Variants in CHD6 observed in about 807,000 individuals in gnomAD.
The protein encoded by CHD6 is ATP-dependent chromatin remodeler CHD6.
Under a neutral mutation model 276.9 loss-of-function variants are expected in CHD6, and 50 were observed. That is an observed-to-expected ratio of 0.18 (90% confidence interval 0.14 to 0.23). CHD6 has a LOEUF of 0.23. Among genes scored for constraint, CHD6 ranks in the 10% least tolerant of loss-of-function variants. The probability of loss-of-function intolerance (pLI) is 1.00; values close to 1 mark genes in which losing one functional copy is unlikely to be tolerated. For missense variants in CHD6, 2,564 were observed against 3,365.8 expected, an observed-to-expected ratio of 0.76 and a Z score of 5.89; for synonymous variants, 1,173 against 1,229.3, an observed-to-expected ratio of 0.95 and a Z score of 0.96.
At chr20:41,411,124 G>C (rs1374351672) in intron 36 of CHD6, among the ~76,000 whole-genome samples, 1 of 152,000 alleles carries the variant, frequency 6.6e-6, no homozygotes, top group Non-Finnish European at 1.5e-5. Flanking sequence ...AACTGTCTAG[G>C]GCCCAAGTCT....
intron 3 of CHD6, among the ~76,000 whole-genome samples, chr20:41,530,027 A>C (rs2044642690): frequency 6.6e-6 from 1 of 152,178 alleles, no homozygotes; most frequent in Non-Finnish European, 1.5e-5. Context: ...AAATAGCAAG[A>C]CTGGAAGAAG....
intron 24 of CHD6, 148 bp downstream of exon 24, chr20:41,447,734 G>T: frequency 2.0e-6 from 1 of 496,234 alleles, no homozygotes; most frequent in Non-Finnish European, 3.6e-6. Flanking sequence ...TATTCTACTT[G>T]CCTGTTCTCC....
intron 27 of CHD6, among the ~76,000 whole-genome samples, chr20:41,433,942 C>T (rs1488590209): frequency 6.6e-6 from 1 of 151,848 alleles, no homozygotes; most frequent in African/African-American, 2.4e-5. Context: ...TAAAAAGCTA[C>T]AAAAATAAAG....
At chr20:41,604,880 CG>C (rs1264679475) in intron 1 of CHD6, among the ~76,000 whole-genome samples, 1 of 152,024 alleles carries the variant, frequency 6.6e-6, no homozygotes, top group East Asian at 1.9e-4. Flanking sequence ...CACATGACTA[CG>C]TAATACAATG....
intron 16 of CHD6, among the ~76,000 whole-genome samples, chr20:41,477,582 T>C (rs192107743): frequency 1.3e-5 from 2 of 152,280 alleles, no homozygotes; most frequent in African/African-American, 4.8e-5. Flanking sequence ...TTCTTTGATC[T>C]CTCCAAACCT....
chr20:41,479,645 A>AATTCT (rs1301769367), intron 16 of CHD6, among the ~76,000 whole-genome samples: 2 of 152,232 alleles, frequency 1.3e-5, no homozygotes, highest in Non-Finnish European at 2.9e-5. Flanking sequence ...CTATCCTGAT[A>AATTCT]AGCCTTAGAA....
At chr20:41,618,071 A>AAAGCGG (rs1265034244) in intron 1 of CHD6, among the ~76,000 whole-genome samples, 1 of 148,586 alleles carries the variant, frequency 6.7e-6, no homozygotes, top group Non-Finnish European at 1.5e-5. Context: ...GGCCCGAGCG[A>AAAGCGG]AAGCGGGAGC....
chr20:41,594,820 T>C (rs2045701203), intron 1 of CHD6, among the ~76,000 whole-genome samples: 1 of 152,232 alleles, frequency 6.6e-6, no homozygotes, highest in South Asian at 2.1e-4. Flanking sequence ...GCTTAGACTG[T>C]GTGGTCCAAC....
intron 13 of CHD6, 33 bp downstream of exon 13, chr20:41,488,395 C>A (rs762586743): frequency 6.4e-7 from 1 of 1,569,430 alleles, no homozygotes; most frequent in South Asian, 1.2e-5. Flanking sequence ...ACAAAAGGAA[C>A]CTGTGTTTAT....
At chr20:41,458,265 T>C (rs754375520) in intron 17 of CHD6, among the ~76,000 whole-genome samples, 2 of 152,252 alleles carry the variant, frequency 1.3e-5, no homozygotes, top group Admixed American at 6.5e-5. Context: ...AGCTAAATAT[T>C]TGATTCTCTT....
At chr20:41,459,099 A>C (rs1454059560) in intron 17 of CHD6, among the ~76,000 whole-genome samples, 3 of 152,128 alleles carry the variant, frequency 2.0e-5, no homozygotes, top group Non-Finnish European at 4.4e-5. Context: ...GAAAGGGGTA[A>C]GTCTAAGCAG....
chr20:41,583,422 G>A (rs1338259502), intron 1 of CHD6, among the ~76,000 whole-genome samples: 15 of 151,144 alleles, frequency 9.9e-5, no homozygotes, highest in Admixed American at 8.6e-4. Context: ...ACCTCACAAC[G>A]CAGAAATATC....
chr20:41,540,619 G>T (rs1031425273), intron 2 of CHD6, among the ~76,000 whole-genome samples: 1 of 152,112 alleles, frequency 6.6e-6, no homozygotes, highest in Non-Finnish European at 1.5e-5. Context: ...TTTGCACCTG[G>T]GCTGGAAAGG....
In CHD6 at chr20:41,402,335, G is replaced by A. The variant is rs1356802461; in HGVS notation, c.*2258C>T. 4.4e-6 allele frequency: 1 copy of A among 227,602 alleles called. No individual in the cohort carries two copies. Among genetic ancestry groups the A allele is most frequent in the Non-Finnish European group, 8.7e-6 (1 of 114,658 alleles). The allele number at this position is 227,602 out of a possible 1,614,324, so 14.1% of individuals were successfully genotyped here. ...AGTGTCATATTCATTTTGCAAACAGGGTCACAACAGCAGTCAAATAGAAGC... is the reference window on the plus strand; with the variant it reads ...AGTGTCATATTCATTTTGCAAACAGAGTCACAACAGCAGTCAAATAGAAGC... On this transcript the variant is annotated 3_prime_UTR_variant, in exon 37 of 37. Coordinates refer to ENST00000373233, the MANE Select transcript of CHD6 (RefSeq NM_032221.5).
chr20:41,508,247 C>A (rs1237154151), intron 5 of CHD6, among the ~76,000 whole-genome samples: 1 of 152,016 alleles, frequency 6.6e-6, no homozygotes, highest in Non-Finnish European at 1.5e-5. Context: ...GCTAAGTAAC[C>A]TGCCTTATTA....
chr20:41,550,179 G>A (rs528004637), intron 2 of CHD6, among the ~76,000 whole-genome samples: 43 of 152,240 alleles, frequency 2.8e-4, no homozygotes, highest in Non-Finnish European at 4.4e-4. Context: ...CCTTTTTGAC[G>A]GATGTGTACG....
At chr20:41,411,107 C>A (rs547738117) in intron 36 of CHD6, among the ~76,000 whole-genome samples, 1 of 152,086 alleles carries the variant, frequency 6.6e-6, no homozygotes, top group Non-Finnish European at 1.5e-5. Flanking sequence ...GCTTCTCCAA[C>A]GTGACAAACT....
At chr20:41,594,181 G>A (rs909315749) in intron 1 of CHD6, among the ~76,000 whole-genome samples, 1 of 152,082 alleles carries the variant, frequency 6.6e-6, no homozygotes, top group Non-Finnish European at 1.5e-5. Flanking sequence ...CAATAGTAAA[G>A]CACTGTTGGA....
At chr20:41,588,209 T>C (rs1475489400) in intron 1 of CHD6, among the ~76,000 whole-genome samples, 1 of 152,154 alleles carries the variant, frequency 6.6e-6, no homozygotes, top group Admixed American at 6.6e-5. Context: ...AATGTGTTAG[T>C]CATCATCTAT....
Sources: gnomAD v4.1 joint callset for allele counts (sites outside exome capture counted in the v4.1 genomes callset) on GRCh38, gnomAD v4.1.1 for gene constraint, MANE v1.5 for transcripts, NCBI Gene and HGNC (gene_info 2026-07-23, HGNC 2026-07-21) for gene names.